STK3: variants seen among roughly 807,000 people sequenced by gnomAD.
The protein encoded by STK3 is serine/threonine kinase 3.
Under a neutral mutation model 58.0 loss-of-function variants are expected in STK3, and 41 were observed. The observed-to-expected ratio is 0.71, with a 90% CI of 0.55 to 0.92. The LOEUF is 0.92. Among genes scored for constraint, STK3 ranks in the 40% least tolerant of loss-of-function variants. STK3 has a pLI of 0.00. For synonymous variants in STK3, 170 were observed against 191.0 expected, an observed-to-expected ratio of 0.89 and a Z score of 0.91; for missense variants, 479 against 602.7, an observed-to-expected ratio of 0.79 and a Z score of 2.15.
intron 1 of STK3, among the ~76,000 whole-genome samples, chr8:98,824,646 A>C (rs1471095717): frequency 6.6e-6 from 1 of 152,178 alleles, no homozygotes; most frequent in Non-Finnish European, 1.5e-5. Context: ...TCCAGGCTTC[A>C]AGGCTCACAT....
At chr8:98,684,097 A>T (rs1823814225) in intron 6 of STK3, among the ~76,000 whole-genome samples, 1 of 152,172 alleles carries the variant, frequency 6.6e-6, no homozygotes, top group Admixed American at 6.5e-5. Flanking sequence ...CATGGTTTCC[A>T]TTACTGGGCT....
chr8:98,781,890 G>A (rs913250915), intron 1 of STK3, among the ~76,000 whole-genome samples: 2 of 152,128 alleles, frequency 1.3e-5, no homozygotes, highest in African/African-American at 4.8e-5. Flanking sequence ...ACGAGGTGGT[G>A]AAATTGATAA....
intron 6 of STK3, among the ~76,000 whole-genome samples, chr8:98,688,937 C>CA (rs1366176559): frequency 3.3e-5 from 5 of 151,732 alleles, no homozygotes; most frequent in South Asian, 2.1e-4. Context: ...AAATTGAGAA[C>CA]AAAAAACCAT....
chr8:98,672,854 A>C (rs1316444010), intron 6 of STK3, among the ~76,000 whole-genome samples: 1 of 152,152 alleles, frequency 6.6e-6, no homozygotes, highest in African/African-American at 2.4e-5. Context: ...TATTTAGTGG[A>C]GGTCGGGGGC....
At chr8:98,840,537 C>T (rs1301900135) in intron 3 of STK3, among the ~76,000 whole-genome samples, 3 of 141,570 alleles carry the variant, frequency 2.1e-5, no homozygotes, top group Non-Finnish European at 4.6e-5. Flanking sequence ...CACCACTGCA[C>T]TCCAGCCTGG....
intron 6 of STK3, among the ~76,000 whole-genome samples, chr8:98,600,305 T>C (rs2130041046): frequency 6.6e-6 from 1 of 152,320 alleles, no homozygotes; most frequent in South Asian, 2.1e-4. Flanking sequence ...TATTAGTAAC[T>C]ATCTGACCTA....
In STK3 at chr8:98,891,626, TGAGA is replaced by T. The variant is rs56830700; in HGVS notation, c.-78-7796_-78-7793del. ...ATAAAACTGTGTGTGTGTGTGTGTG[TGAGA>T]GAGAGAGAGAGAGAGAGAGATACAC... On this transcript the variant is annotated intron_variant, in intron 1 of 1. Coordinates refer to the STK3 transcript ENST00000519420. 2.1e-3 allele frequency among the ~76,000 whole-genome samples: 312 copies of T among 148,428 alleles called. 3 individuals are homozygous for T. The East Asian group carries it at 0.034, about 16-fold the overall frequency.
At chr8:98,689,655 T>C (rs549271252) in intron 6 of STK3, among the ~76,000 whole-genome samples, 21 of 152,154 alleles carry the variant, frequency 1.4e-4, no homozygotes, top group Non-Finnish European at 2.8e-4. Flanking sequence ...CAGTGGCACA[T>C]GCTTATAGTC....
chr8:98,603,193 T>C (rs775251668), intron 6 of STK3: 1 of 151,882 alleles, frequency 6.6e-6, no homozygotes, highest in Non-Finnish European at 1.5e-5. Flanking sequence ...TAATAATGAC[T>C]ATAACTGATT....
intron 6 of STK3, among the ~76,000 whole-genome samples, chr8:98,701,368 A>C (rs2131034183): frequency 6.6e-6 from 1 of 152,314 alleles, no homozygotes; most frequent in East Asian, 1.9e-4. Flanking sequence ...CTATAATCCC[A>C]GTACTTTGGG....
downstream of STK3, among the ~76,000 whole-genome samples, chr8:98,370,137 G>A (rs1232466457): frequency 7.0e-6 from 1 of 142,942 alleles, no homozygotes; most frequent in Non-Finnish European, 1.5e-5. Flanking sequence ...AACAGATCCA[G>A]TTTGTCTCTA....
intron 6 of STK3, among the ~76,000 whole-genome samples, chr8:98,663,380 A>G (rs188343776): frequency 9.9e-5 from 15 of 152,188 alleles, no homozygotes; most frequent in East Asian, 1.9e-4. Context: ...AACAGGTGCT[A>G]GAGAGGATGT....
At chr8:98,601,362 T>G (rs1392054992) in intron 6 of STK3, among the ~76,000 whole-genome samples, 1 of 152,128 alleles carries the variant, frequency 6.6e-6, no homozygotes, top group Non-Finnish European at 1.5e-5. Context: ...AAGACTGAAA[T>G]ATAATATCCC....
At chr8:98,669,803 T>C (rs1242166082) in intron 6 of STK3, among the ~76,000 whole-genome samples, 3 of 152,190 alleles carry the variant, frequency 2.0e-5, no homozygotes, top group Non-Finnish European at 4.4e-5. Flanking sequence ...TCCTTTCTCC[T>C]ACCCTGTTCT....
At chr8:98,640,297 G>A (rs1819919841) in intron 6 of STK3, among the ~76,000 whole-genome samples, 1 of 152,058 alleles carries the variant, frequency 6.6e-6, no homozygotes, top group Non-Finnish European at 1.5e-5. Context: ...TGATCTGCCT[G>A]CCTTGGCCTC....
rs1446998753 is a variant in STK3 at position 98,543,915 on chromosome 8, T to C, written c.1141+4054A>G. On this transcript the variant is annotated intron_variant, in intron 9 of 10. Transcript: ENST00000419617. ...GAAGATGAACACTGAGACTGGACCATATCAAAGTTTTCCAGGAGAGGCAGA... is the reference window on the plus strand; with the variant it reads ...GAAGATGAACACTGAGACTGGACCACATCAAAGTTTTCCAGGAGAGGCAGA... Among the ~76,000 whole-genome samples the C allele has an allele frequency of 3.9e-5, 6 of 152,174 alleles. No homozygotes were observed. In the South Asian group the frequency reaches 1.0e-3, roughly 26 times the overall value.
intron 3 of STK3, among the ~76,000 whole-genome samples, chr8:98,759,726 G>C (rs1208368623): frequency 1.3e-5 from 2 of 152,110 alleles, no homozygotes; most frequent in African/African-American, 4.8e-5. Context: ...AATGCAGAAA[G>C]TTTTAATTCA....
intron 10 of STK3, among the ~76,000 whole-genome samples, chr8:98,509,649 C>A (rs55921088): frequency 0.026 from 4,015 of 151,850 alleles, 81 homozygotes; most frequent in South Asian, 0.057. Context: ...CAGATTAAAA[C>A]TTTTAAACTT....
At chr8:98,359,578 G>T in the STK3 span, among the ~76,000 whole-genome samples, 6 of 151,802 alleles carry the variant, frequency 4.0e-5, no homozygotes, top group African/African-American at 9.7e-5. Context: ...TTTCTTGAAT[G>T]CTTTCTACCA....
Sources: allele counts gnomAD v4.1 joint callset (sites outside exome capture counted in the v4.1 genomes callset), GRCh38; gene constraint gnomAD v4.1.1; transcripts MANE v1.5; gene names NCBI Gene and HGNC (gene_info 2026-07-23, HGNC 2026-07-21).